The following TEX29 variants were observed in gnomAD, a reference collection of about 807,000 sequenced individuals.
The protein encoded by TEX29 is testis expressed 29, also known as testis-expressed protein 29.
In TEX29, 26 loss-of-function variants were observed where a neutral mutation model predicts 18.2. That is an observed-to-expected ratio of 1.43 (90% confidence interval 1.04 to 1.98). The LOEUF (loss-of-function observed/expected upper bound fraction) is 1.98, where lower values mean the gene tolerates loss of function less well. TEX29 is among the 30% of genes most tolerant of loss of function. The pLI, the probability that TEX29 is intolerant of heterozygous loss-of-function variation, is 0.00. For missense variants in TEX29, 177 were observed against 194.2 expected, an observed-to-expected ratio of 0.91 and a Z score of 0.53; for synonymous variants, 83 against 78.5, an observed-to-expected ratio of 1.06 and a Z score of -0.31.
chr13:111,324,206 G>A (rs2093669173), intron 2 of TEX29, among the ~76,000 whole-genome samples: 1 of 152,172 alleles, frequency 6.6e-6, no homozygotes, highest in South Asian at 2.1e-4. Flanking sequence ...CTTCCCGCCT[G>A]GACCATCTTT....
At chr13:111,342,328 T>C (rs2250694) in intron 4 of TEX29, among the ~76,000 whole-genome samples, 1,886 of 152,266 alleles carry the variant, frequency 0.012, 45 homozygotes, top group African/African-American at 0.043. Context: ...AACACACACC[T>C]TCCCCCTGCC....
intron 2 of TEX29, among the ~76,000 whole-genome samples, chr13:111,325,890 C>G (rs1210045810): frequency 6.6e-6 from 1 of 152,224 alleles, no homozygotes; most frequent in Non-Finnish European, 1.5e-5. Flanking sequence ...TATTTCCTGC[C>G]CAGTCTGTTT....
At chr13:111,333,381 A>G (rs974081139) in intron 3 of TEX29, among the ~76,000 whole-genome samples, 1 of 152,180 alleles carries the variant, frequency 6.6e-6, no homozygotes, top group Non-Finnish European at 1.5e-5. Flanking sequence ...ACAGACCTCT[A>G]AGGCTGTATT....
chr13:111,339,974 G>GGGGGCCCCCCGCCC, intron 4 of TEX29, 42 bp downstream of exon 4: 1 of 1,379,844 alleles, frequency 7.2e-7, no homozygotes, highest in Non-Finnish European at 1.0e-6. Context: ...GGGAGGAGGG[G>GGGGGCCCCCCGCCC]ACTCACCTCT....
In TEX29 at chr13:111,342,938, A is replaced by C; in HGVS notation, c.415+7A>C. ...GACGAGGATAAGGATGATGGTGAGA[A>C]GCTTCTGGAATGATCCTCAGCCTAA... On this transcript the variant is annotated splice_region_variant and intron_variant, in intron 5 of 5. Coordinates refer to ENST00000283547, the MANE Select transcript of TEX29 (RefSeq NM_152324.3). 1 of 1,612,852 alleles carries C rather than the reference A, an allele frequency of 6.2e-7. No homozygotes were observed. Among genetic ancestry groups the C allele is most frequent in the East Asian group, 2.2e-5 (1 of 44,836 alleles).
chr13:111,325,019 G>T (rs2093670496), intron 2 of TEX29, among the ~76,000 whole-genome samples: 1 of 152,210 alleles, frequency 6.6e-6, no homozygotes, highest in Non-Finnish European at 1.5e-5. Flanking sequence ...TATCCACGCA[G>T]ACGGGGTGAC....
rs117171418 is a variant in TEX29, at chr13:111,336,998, G to A, written c.170-2865G>A. Among the ~76,000 whole-genome samples the A allele has an allele frequency of 1.1e-4, 17 of 152,304 alleles. No homozygotes were observed. The East Asian group carries it at 3.1e-3, about 28-fold the overall frequency. ...TCACATAATTTTGAATTTATTCCAT[G>A]AGCCAAGACACAAATTCATACTAAG... On this transcript the variant is annotated intron_variant, in intron 3 of 5. Transcript: ENST00000283547.
chr13:111,320,722 C>A lies in TEX29; in HGVS notation c.-75C>A. The A allele has an allele frequency of 1.3e-6, 1 of 751,452 alleles. No individual in the cohort carries two copies. Among genetic ancestry groups the A allele is most frequent in the Non-Finnish European group, 2.4e-6 (1 of 421,818 alleles). 46.5% of individuals were successfully genotyped at this position (751,452 alleles called of 1,614,324 possible). ...TTCCACGTGGAGTGGGACTGAGAGGCACAGGTGGCTGAGGGGACCCGCCTG... is the reference window on the plus strand; with the variant it reads ...TTCCACGTGGAGTGGGACTGAGAGGAACAGGTGGCTGAGGGGACCCGCCTG... On this transcript the variant is annotated 5_prime_UTR_variant, in exon 1 of 6. Coordinates refer to ENST00000283547, the MANE Select transcript of TEX29 (RefSeq NM_152324.3).
At chr13:111,317,874 G>A (rs1335454175), upstream of TEX29, among the ~76,000 whole-genome samples, 1 of 152,164 alleles carries the variant, frequency 6.6e-6, no homozygotes, top group Non-Finnish European at 1.5e-5. Flanking sequence ...CCCTCCCCGG[G>A]CCTCTGCGCC....
chr13:111,327,923 C>T (rs576319402), intron 2 of TEX29, among the ~76,000 whole-genome samples: 5 of 152,362 alleles, frequency 3.3e-5, no homozygotes, highest in South Asian at 4.1e-4. Context: ...GGCGCTGCTG[C>T]GCGGAAATGT....
intron 2 of TEX29, among the ~76,000 whole-genome samples, chr13:111,327,518 A>G (rs1230159424): frequency 2.6e-5 from 4 of 152,082 alleles, no homozygotes; most frequent in Admixed American, 6.5e-5. Flanking sequence ...CTGGGCCCTC[A>G]CCTGCAGGAA....
At chr13:111,339,992 G>C (rs1010613589) in intron 4 of TEX29, 60 bp downstream of exon 4, 2 of 1,512,456 alleles carry the variant, frequency 1.3e-6, no homozygotes, top group South Asian at 1.1e-5. Context: ...TCTCCTGGCC[G>C]CAGCTTCCTG....
chr13:111,323,716 T>C (rs2093668424), intron 2 of TEX29, among the ~76,000 whole-genome samples: 1 of 151,100 alleles, frequency 6.6e-6, no homozygotes, highest in African/African-American at 2.4e-5. Context: ...CATGAGCCTC[T>C]GCACACACAG....
At chr13:111,318,026 AGG>A (rs2093657469), upstream of TEX29, among the ~76,000 whole-genome samples, 1 of 152,148 alleles carries the variant, frequency 6.6e-6, no homozygotes, top group Admixed American at 6.5e-5. Flanking sequence ...CTTAGGTCCT[AGG>A]GGTTAGGACT....
upstream of TEX29, among the ~76,000 whole-genome samples, chr13:111,320,283 T>G (rs373519198): frequency 9.9e-5 from 15 of 152,034 alleles, no homozygotes; most frequent in East Asian, 2.3e-3. Flanking sequence ...AGGGATTTGG[T>G]TTTGTTCTCT....
chr13:111,338,090 T>G (rs925965721), intron 3 of TEX29, among the ~76,000 whole-genome samples: 1 of 151,246 alleles, frequency 6.6e-6, no homozygotes, highest in African/African-American at 2.4e-5. Context: ...CTGGCTCATG[T>G]GCCCAGGAGG....
chr13:111,338,238 G>A (rs1038472039), intron 3 of TEX29, among the ~76,000 whole-genome samples: 2 of 152,144 alleles, frequency 1.3e-5, no homozygotes, highest in South Asian at 4.1e-4. Flanking sequence ...GGTGTAATTA[G>A]GTAAGATGAG....
chr13:111,317,046 CAT>C (rs1313600983), upstream of TEX29, among the ~76,000 whole-genome samples: 1 of 152,164 alleles, frequency 6.6e-6, no homozygotes, highest in Admixed American at 6.5e-5. Context: ...CCTCTCTTGA[CAT>C]GTGGGGATTA....
At chr13:111,342,701 G>T in intron 4 of TEX29, 55 bp from the exon 5 acceptor site, 1 of 1,570,934 alleles carries the variant, frequency 6.4e-7, no homozygotes. Flanking sequence ...GGGAGGAACT[G>T]GAGAGTTTTC....
Sources: gnomAD v4.1 joint callset for allele counts (sites outside exome capture counted in the v4.1 genomes callset) on GRCh38, gnomAD v4.1.1 for gene constraint, MANE v1.5 for transcripts, NCBI Gene and HGNC (gene_info 2026-07-23, HGNC 2026-07-21) for gene names.